Variants in QPCT observed in about 807,000 individuals in gnomAD.
QPCT encodes glutaminyl-peptide cyclotransferase.
In QPCT, 44 loss-of-function variants were observed where a neutral mutation model predicts 43.4. The ratio of observed to expected loss-of-function variants is 1.01; its 90% CI spans 0.80 to 1.30. The LOEUF is 1.30. Among genes scored for constraint, QPCT ranks in the 50% most tolerant of loss-of-function variants. QPCT has a pLI of 0.00. For missense variants in QPCT, 526 were observed against 436.5 expected (o/e 1.21, Z -1.83); for synonymous variants, 168 against 168.4 (o/e 1.00, Z 0.02).
chr2:37,359,279 T>C (rs781539995), intron 2 of QPCT, among the ~76,000 whole-genome samples: 10 of 152,306 alleles, frequency 6.6e-5, no homozygotes, highest in South Asian at 2.1e-4. Context: ...GGAGAAGATA[T>C]GTCGAAAGAT....
chr2:37,350,151 A>G (rs1378273231), intron 1 of QPCT, among the ~76,000 whole-genome samples: 1 of 152,190 alleles, frequency 6.6e-6, no homozygotes, highest in East Asian at 1.9e-4. Context: ...ACAGCTTGTA[A>G]GGCAGAAAGC....
intron 1 of QPCT, 129 bp from the exon 2 acceptor site, chr2:37,352,660 T>G (rs998010142): frequency 1.7e-6 from 2 of 1,211,472 alleles, no homozygotes; most frequent in African/African-American, 3.1e-5. Flanking sequence ...AGTTGAGTAG[T>G]TTAATTTACC....
chr2:37,348,957 C>T (rs1672565051), intron 1 of QPCT, among the ~76,000 whole-genome samples: 1 of 152,224 alleles, frequency 6.6e-6, no homozygotes. Context: ...CAGCTTTTTC[C>T]TCTTACTCAT....
At position 37,355,224 on chromosome 2, in the gene QPCT, C is replaced by T. The variant is rs916761617; in HGVS notation, c.267+2289C>T. On this transcript the variant is annotated intron_variant, in intron 2 of 6. Transcript: ENST00000338415. ...TTAGAATTTTTTGAGAAGAAAATTA[C>T]CATTAATTTTTAGAGACCTATCTTC... 1.1e-4 allele frequency among the ~76,000 whole-genome samples: 16 copies of T among 152,138 alleles called. No individual in the cohort carries two copies. In the South Asian group the frequency reaches 1.7e-3, roughly 16 times the overall value.
chr2:37,351,633 G>C (rs1197453652), intron 1 of QPCT, among the ~76,000 whole-genome samples: 3 of 152,134 alleles, frequency 2.0e-5, no homozygotes, highest in African/African-American at 7.2e-5. Context: ...TGTAATCCCA[G>C]CACTTTGGGA....
chr2:37,359,538 A>G (rs2302651), intron 2 of QPCT, 42 bp from the exon 3 acceptor site: 546,621 of 1,552,482 alleles, frequency 0.35, 103,756 homozygotes, highest in African/African-American at 0.74. Flanking sequence ...AATGAAAGCC[A>G]TTTCTTTAGA....
intron 3 of QPCT, among the ~76,000 whole-genome samples, chr2:37,360,400 T>C (rs530849028): frequency 1.3e-5 from 2 of 152,230 alleles, no homozygotes; most frequent in Non-Finnish European, 2.9e-5. Flanking sequence ...ATAGCAGAGC[T>C]TTTGTTATGC....
chr2:37,344,634 G>A lies in QPCT; in HGVS notation c.-98G>A. 6.8e-7 allele frequency: 1 copy of A among 1,468,322 alleles called. No individual in the cohort carries two copies. Among genetic ancestry groups the A allele is most frequent in the East Asian group, 2.6e-5 (1 of 37,936 alleles). 91.0% of individuals were successfully genotyped at this position (1,468,322 alleles called of 1,614,324 possible). On this transcript the variant is annotated 5_prime_UTR_variant, in exon 1 of 7. Coordinates refer to ENST00000338415, the MANE Select transcript of QPCT (RefSeq NM_012413.4). ...GGGCGATGGGAAGGCGGGCGCAGTCGACCCAAGGGTGGAGAAGAGGGAAGG... is the reference window on the plus strand; with the variant it reads ...GGGCGATGGGAAGGCGGGCGCAGTCAACCCAAGGGTGGAGAAGAGGGAAGG...
At position 37,372,837 on chromosome 2, in the gene QPCT, T is replaced by G; in HGVS notation, c.*10T>G. On this transcript the variant is annotated 3_prime_UTR_variant, in exon 7 of 7. Transcript: ENST00000338415. ...ATATCTTCATTTGTAATACTCTGAT[T>G]TAGTTTAGGATAATTGGTTCTAGAA... The G allele has an allele frequency of 6.3e-7, 1 of 1,594,850 alleles. No individual in the cohort carries two copies. Among genetic ancestry groups the G allele is most frequent in the Non-Finnish European group, 8.6e-7 (1 of 1,169,166 alleles).
At chr2:37,369,590 G>T in intron 4 of QPCT, 95 bp from the exon 5 acceptor site, 1 of 907,514 alleles carries the variant, frequency 1.1e-6, no homozygotes. Flanking sequence ...CTCAATTACT[G>T]AAATGCAGTT....
At chr2:37,368,646 G>A (rs1020364105) in intron 4 of QPCT, 1 of 471,010 alleles carries the variant, frequency 2.1e-6, no homozygotes, top group Non-Finnish European at 4.4e-6. Flanking sequence ...CTCCTAATGG[G>A]CCAGGGGAAT....
intron 5 of QPCT, 96 bp downstream of exon 5, chr2:37,369,880 A>G (rs1474092524): frequency 2.7e-6 from 3 of 1,132,072 alleles, no homozygotes; most frequent in East Asian, 5.0e-5. Context: ...GGCTGGGCGC[A>G]GTGGCTCACA....
intron 2 of QPCT, among the ~76,000 whole-genome samples, chr2:37,353,344 C>A (rs1488351734): frequency 6.6e-6 from 1 of 152,148 alleles, no homozygotes; most frequent in Non-Finnish European, 1.5e-5. Flanking sequence ...ATTGTATTTT[C>A]CCTGGAGGGA....
intron 3 of QPCT, among the ~76,000 whole-genome samples, chr2:37,360,811 C>T (rs2124938229): frequency 6.6e-6 from 1 of 152,246 alleles, no homozygotes; most frequent in Middle Eastern, 3.4e-3. Flanking sequence ...CCCTTTGTCC[C>T]ATGCTTTGCC....
At chr2:37,347,141 G>GTT (rs796387281) in intron 1 of QPCT, among the ~76,000 whole-genome samples, 5,775 of 17,428 alleles carry the variant, frequency 0.33, 1,370 homozygotes, top group East Asian at 0.67. Flanking sequence ...GGTATGGGGT[G>GTT]TTTTATATAT....
At chr2:37,357,211 G>T (rs1487800243) in intron 2 of QPCT, among the ~76,000 whole-genome samples, 2 of 151,092 alleles carry the variant, frequency 1.3e-5, no homozygotes, top group African/African-American at 2.4e-5. Context: ...CTTGCAATCT[G>T]CAATTGGTGT....
chr2:37,363,496 T>C (rs895016632), intron 3 of QPCT, among the ~76,000 whole-genome samples: 1 of 144,598 alleles, frequency 6.9e-6, no homozygotes, highest in Non-Finnish European at 1.5e-5. Flanking sequence ...CTGGTTATGG[T>C]GGTACACACC....
intron 1 of QPCT, among the ~76,000 whole-genome samples, chr2:37,346,702 A>G (rs1399354588): frequency 6.6e-6 from 1 of 152,194 alleles, no homozygotes; most frequent in African/African-American, 2.4e-5. Context: ...TTAAAAGCAA[A>G]TGACAATCAG....
intron 2 of QPCT, among the ~76,000 whole-genome samples, chr2:37,355,871 G>T (rs1023925027): frequency 6.6e-6 from 1 of 152,066 alleles, no homozygotes; most frequent in East Asian, 1.9e-4. Context: ...CCCCACAGGT[G>T]CACAGTGCAT....
Sources: allele counts gnomAD v4.1 joint callset (sites outside exome capture counted in the v4.1 genomes callset), GRCh38; gene constraint gnomAD v4.1.1; transcripts MANE v1.5; gene names NCBI Gene and HGNC (gene_info 2026-07-23, HGNC 2026-07-21).